The following EPC1 variants were observed in gnomAD, a reference collection of about 807,000 sequenced individuals.
EPC1 encodes the protein enhancer of polycomb 1, also known as enhancer of polycomb homolog 1.
EPC1 carries 12 observed loss-of-function variants against 98.4 expected under a neutral mutation model. The observed-to-expected ratio is 0.12, with a 90% confidence interval of 0.08 to 0.20. The LOEUF (loss-of-function observed/expected upper bound fraction) is 0.20, where lower values mean the gene tolerates loss of function less well. Among genes scored for constraint, EPC1 ranks in the 10% least tolerant of loss-of-function variants. The probability of loss-of-function intolerance (pLI) is 1.00; values close to 1 mark genes in which losing one functional copy is unlikely to be tolerated. For synonymous variants in EPC1, 357 were observed against 363.9 expected, an observed-to-expected ratio of 0.98 and a Z score of 0.21; for missense variants, 729 against 990.5, an observed-to-expected ratio of 0.74 and a Z score of 3.54.
chr10:32,329,446 A>C (rs1342257743), intron 1 of EPC1, among the ~76,000 whole-genome samples: 1 of 152,224 alleles, frequency 6.6e-6, no homozygotes, highest in Non-Finnish European at 1.5e-5. Flanking sequence ...AATGGAGGGA[A>C]ACCCTTAAAC....
chr10:32,351,296 A>G (rs1001747075), upstream of EPC1, among the ~76,000 whole-genome samples: 1 of 152,184 alleles, frequency 6.6e-6, no homozygotes, highest in Non-Finnish European at 1.5e-5. Flanking sequence ...TCTGTCCAAC[A>G]TCGTTTGTCA....
In EPC1 at chr10:32,306,074, G is replaced by T. The variant is rs146968469; in HGVS notation, c.154-143C>A. The T allele has an allele frequency of 1.2e-3, 804 of 669,332 alleles. 8 individuals are homozygous for T. The African/African-American group carries it at 0.014, about 11-fold the overall frequency. 41.5% of individuals were successfully genotyped at this position (669,332 alleles called of 1,614,324 possible). ...GATCTTAAAAGCATGTTGTTAACACGATACAACTAGTGATAAAATCAGTTC... is the reference window on the plus strand; with the variant it reads ...GATCTTAAAAGCATGTTGTTAACACTATACAACTAGTGATAAAATCAGTTC... On this transcript the variant is annotated intron_variant, in intron 1 of 13. Coordinates refer to ENST00000319778, the MANE Select transcript of EPC1 (RefSeq NM_001272004.3).
At chr10:32,372,634 G>A (rs1465513517) in intron 1 of EPC1, among the ~76,000 whole-genome samples, 9 of 152,202 alleles carry the variant, frequency 5.9e-5, no homozygotes, top group African/African-American at 2.4e-5. Flanking sequence ...TGATAAATCA[G>A]AAGGCCGATT....
chr10:32,370,330 A>G (rs2505365), intron 1 of EPC1, among the ~76,000 whole-genome samples: 2,047 of 152,298 alleles, frequency 0.013, 22 homozygotes, highest in Non-Finnish European at 0.022. Flanking sequence ...GGAGATGAGA[A>G]GTAGCCTGGC....
rs142504457 is a variant in EPC1, at chr10:32,280,470, G to A, written c.1744+4228C>T. 7.9e-4 allele frequency among the ~76,000 whole-genome samples: 118 copies of A among 149,944 alleles called. No individual in the cohort carries two copies. In the East Asian group the frequency reaches 0.02, roughly 25 times the overall value. On this transcript the variant is annotated intron_variant, in intron 10 of 13. Transcript: ENST00000319778. ...TATCTCAAAAAAAAGGCCAGGCACG[G>A]TGGCTCACGCCTGTAATCCCAGCAT...
At chr10:32,276,500 A>G (rs990291454) in intron 10 of EPC1, among the ~76,000 whole-genome samples, 2 of 152,270 alleles carry the variant, frequency 1.3e-5, no homozygotes, top group African/African-American at 4.8e-5. Context: ...CCACAGAGCA[A>G]GACTTCATCT....
chr10:32,291,357 A>G (rs1346582354), intron 5 of EPC1, 35 bp from the exon 6 acceptor site: 1 of 1,483,470 alleles, frequency 6.7e-7, no homozygotes, highest in Non-Finnish European at 9.2e-7. Context: ...AAAATTATAT[A>G]TATTTAAGGA....
chr10:32,293,619 G>A lies in EPC1; in HGVS notation c.432C>T (p.Asp144=). 1 of 1,613,490 alleles carries A rather than the reference G, an allele frequency of 6.2e-7. No homozygotes were observed. Among genetic ancestry groups the A allele is most frequent in the Non-Finnish European group, 8.5e-7 (1 of 1,179,754 alleles). Residue 144 remains aspartate, a synonymous_variant, in exon 3 of 14, where the codon GAC becomes GAT. Transcript: ENST00000319778. ...GCTGACCACTGCCTTTTTCTAGGCGGTCAATCATCTCCTCAAATTGCAATG... is the reference window on the plus strand; with the variant it reads ...GCTGACCACTGCCTTTTTCTAGGCGATCAATCATCTCCTCAAATTGCAATG... ...ICPLQFEEMI[D]RLEKGSGQQP...
intron 1 of EPC1, among the ~76,000 whole-genome samples, chr10:32,315,291 G>C (rs1836488889): frequency 6.6e-6 from 1 of 152,036 alleles, no homozygotes; most frequent in South Asian, 2.1e-4. Context: ...CATGAAAAAA[G>C]ACATTTCTAC....
At chr10:32,369,448 C>T (rs1839688650) in intron 1 of EPC1, among the ~76,000 whole-genome samples, 1 of 152,006 alleles carries the variant, frequency 6.6e-6, no homozygotes. Context: ...CAGTACACCC[C>T]ATCAGTGTCT....
intron 1 of EPC1, among the ~76,000 whole-genome samples, chr10:32,355,511 T>A (rs1839244742): frequency 6.6e-6 from 1 of 151,378 alleles, no homozygotes; most frequent in Non-Finnish European, 1.5e-5. Flanking sequence ...GACTGGCACA[T>A]ACTGACAGAT....
intron 1 of EPC1, among the ~76,000 whole-genome samples, chr10:32,318,019 A>G (rs1007045040): frequency 6.6e-6 from 1 of 152,244 alleles, no homozygotes; most frequent in Middle Eastern, 3.4e-3. Flanking sequence ...CTGTCCTCTC[A>G]TGTCCTTATT....
intron 1 of EPC1, among the ~76,000 whole-genome samples, chr10:32,367,648 T>G (rs1032884389): frequency 1.3e-5 from 2 of 152,210 alleles, no homozygotes; most frequent in Admixed American, 1.3e-4. Context: ...AACAAATGTA[T>G]TTTTAAAAAT....
intron 1 of EPC1, among the ~76,000 whole-genome samples, chr10:32,370,590 G>A (rs930442659): frequency 6.6e-6 from 1 of 152,158 alleles, no homozygotes; most frequent in African/African-American, 2.4e-5. Context: ...AGTGGTGCAC[G>A]AGTGTGAGCC....
At position 32,353,343 on chromosome 10, in the gene EPC1, G is replaced by T. The variant is rs965273408; in HGVS notation, c.3+25148C>A. The stretch of plus-strand genomic sequence containing the variant: ...AGGGTTTCATTGTTTTTGAAAGTAG[G>T]AGAGATGTGGGCATGTTTGTATACT... On this transcript the variant is annotated intron_variant, in intron 1 of 13. Transcript: ENST00000375110. 4.6e-5 allele frequency among the ~76,000 whole-genome samples: 7 copies of T among 152,104 alleles called. No homozygotes were observed. In the East Asian group the frequency reaches 1.3e-3, roughly 29 times the overall value.
intron 1 of EPC1, among the ~76,000 whole-genome samples, chr10:32,319,179 T>TA (rs1436284524): frequency 1.3e-5 from 2 of 152,088 alleles, no homozygotes; most frequent in Non-Finnish European, 2.9e-5. Flanking sequence ...TATGGTAACA[T>TA]AAAAAACAGG....
At chr10:32,285,974 A>T (rs1271056316) in intron 9 of EPC1, 2 of 152,230 alleles carry the variant, frequency 1.3e-5, no homozygotes, top group Non-Finnish European at 2.9e-5. Context: ...TAAATAATAA[A>T]AAAAAACCCT....
At chr10:32,348,545 G>A (rs1183860879), upstream of EPC1, among the ~76,000 whole-genome samples, 3 of 152,148 alleles carry the variant, frequency 2.0e-5, no homozygotes, top group Non-Finnish European at 2.9e-5. Flanking sequence ...GCTCCCGCGG[G>A]GTAGGGAGAA....
At chr10:32,341,194 TAACA>T (rs1232810662) in intron 1 of EPC1, among the ~76,000 whole-genome samples, 4 of 152,244 alleles carry the variant, frequency 2.6e-5, no homozygotes, top group Non-Finnish European at 5.9e-5. Context: ...TAACTGCTGT[TAACA>T]ATTAAGCATC....
Sources: allele counts gnomAD v4.1 joint callset (sites outside exome capture counted in the v4.1 genomes callset), GRCh38; gene constraint gnomAD v4.1.1; transcripts MANE v1.5; gene names NCBI Gene and HGNC (gene_info 2026-07-23, HGNC 2026-07-21).